The following UNC13C variants were observed in gnomAD, a reference collection of about 807,000 sequenced individuals.
UNC13C encodes the protein unc-13 homolog C.
UNC13C carries 174 observed loss-of-function variants against 245.4 expected under a neutral mutation model. That is an observed-to-expected ratio of 0.71 (90% confidence interval 0.63 to 0.80). UNC13C has a LOEUF of 0.80. Among genes scored for constraint, UNC13C ranks in the 30% least tolerant of loss-of-function variants. The pLI is 0.00. For missense variants in UNC13C, 2,829 were observed against 2,602.9 expected (o/e 1.09, Z -1.89); for synonymous variants, 992 against 895.1 (o/e 1.11, Z -1.93).
At chr15:54,298,164 C>T (rs12910406) in intron 12 of UNC13C, among the ~76,000 whole-genome samples, 29,537 of 151,752 alleles carry the variant, frequency 0.19, 3,064 homozygotes, top group Non-Finnish European at 0.2. Context: ...TGTGAATAGG[C>T]AATAAGATGA....
chr15:54,171,362 G>C (rs1227537218), intron 4 of UNC13C, among the ~76,000 whole-genome samples: 1 of 152,038 alleles, frequency 6.6e-6, no homozygotes, highest in African/African-American at 2.4e-5. Flanking sequence ...TCTGACAAGG[G>C]ATTAATAGCC....
At chr15:54,554,284 T>A (rs974798248) in intron 28 of UNC13C, among the ~76,000 whole-genome samples, 1 of 151,816 alleles carries the variant, frequency 6.6e-6, no homozygotes, top group African/African-American at 2.4e-5. Context: ...AATAAAACAG[T>A]AAGATAAAGG....
chr15:53,839,107 C>CAT, the UNC13C span, among the ~76,000 whole-genome samples: 20,877 of 151,782 alleles, frequency 0.14, 2,522 homozygotes, highest in African/African-American at 0.31. Flanking sequence ...ATTTCTAAAA[C>CAT]GTGTAAAATG....
At chr15:54,132,711 C>T (rs2031502256) in intron 2 of UNC13C, among the ~76,000 whole-genome samples, 1 of 152,208 alleles carries the variant, frequency 6.6e-6, no homozygotes. Flanking sequence ...CATGTGATGA[C>T]TTTCAGGCAT....
chr15:53,969,362 T>C, the UNC13C span, among the ~76,000 whole-genome samples: 2 of 152,222 alleles, frequency 1.3e-5, no homozygotes, highest in African/African-American at 4.8e-5. Flanking sequence ...GATAAATTAT[T>C]TTTGAATGTT....
the UNC13C span, among the ~76,000 whole-genome samples, chr15:53,919,863 AT>A: frequency 2.6e-5 from 4 of 152,220 alleles, no homozygotes; most frequent in Non-Finnish European, 5.9e-5. Flanking sequence ...GTATTTATGT[AT>A]ATTTTTAAAT....
intron 19 of UNC13C, among the ~76,000 whole-genome samples, chr15:54,481,054 C>G (rs1434160434): frequency 6.6e-6 from 1 of 152,068 alleles, no homozygotes; most frequent in African/African-American, 2.4e-5. Context: ...TGGTAGGATG[C>G]TTTGGTTTTG....
chr15:54,455,238 T>TATATATATATA (rs1416569966), intron 19 of UNC13C, among the ~76,000 whole-genome samples: 2 of 70,144 alleles, frequency 2.9e-5, no homozygotes, highest in Non-Finnish European at 5.7e-5. Flanking sequence ...TATATATATA[T>TATATATATATA]GTTTTTTAAT....
chr15:54,087,261 G>A (rs1375624131), intron 2 of UNC13C, among the ~76,000 whole-genome samples: 2 of 152,058 alleles, frequency 1.3e-5, no homozygotes, highest in African/African-American at 4.8e-5. Context: ...AATTTAGAGA[G>A]CCCTTGGAAA....
the UNC13C span, among the ~76,000 whole-genome samples, chr15:53,920,408 G>T: frequency 1.3e-5 from 2 of 152,060 alleles, no homozygotes; most frequent in Non-Finnish European, 2.9e-5. Flanking sequence ...ACAAAAATTA[G>T]CTGGGTGTGG....
chr15:54,570,525 A>C (rs971720096), intron 30 of UNC13C, among the ~76,000 whole-genome samples: 7 of 152,214 alleles, frequency 4.6e-5, no homozygotes, highest in Non-Finnish European at 1.0e-4. Context: ...ACCATGTTCA[A>C]TAAAAAATGG....
At chr15:54,142,664 C>T (rs2032076702) in intron 2 of UNC13C, among the ~76,000 whole-genome samples, 1 of 152,186 alleles carries the variant, frequency 6.6e-6, no homozygotes, top group Non-Finnish European at 1.5e-5. Flanking sequence ...GATCTAGGCT[C>T]TTGACTCCAA....
At chr15:54,412,849 A>T (rs144662746) in intron 18 of UNC13C, among the ~76,000 whole-genome samples, 1 of 152,180 alleles carries the variant, frequency 6.6e-6, no homozygotes, top group African/African-American at 2.4e-5. Flanking sequence ...CTGAGAGTCA[A>T]CATCATCATC....
chr15:53,846,321 A>T, the UNC13C span, among the ~76,000 whole-genome samples: 1 of 152,188 alleles, frequency 6.6e-6, no homozygotes, highest in South Asian at 2.1e-4. Flanking sequence ...AATCTATGCG[A>T]TTGGTAATAA....
intron 30 of UNC13C, among the ~76,000 whole-genome samples, chr15:54,576,692 C>A (rs898861765): frequency 6.6e-6 from 1 of 152,176 alleles, no homozygotes; most frequent in African/African-American, 2.4e-5. Context: ...CTGCATTGCT[C>A]TGTCCTCCCT....
the UNC13C span, among the ~76,000 whole-genome samples, chr15:53,970,532 C>A: frequency 6.6e-6 from 1 of 152,176 alleles, no homozygotes; most frequent in Non-Finnish European, 1.5e-5. Context: ...TGAGATCCTA[C>A]TTTGGATGGA....
intron 18 of UNC13C, among the ~76,000 whole-genome samples, chr15:54,394,702 A>G (rs1350884850): frequency 6.6e-6 from 1 of 151,900 alleles, no homozygotes; most frequent in African/African-American, 2.4e-5. Flanking sequence ...TTCTATGAAG[A>G]AACTTTGGCT....
intron 7 of UNC13C, among the ~76,000 whole-genome samples, chr15:54,240,918 T>C (rs1031409437): frequency 6.6e-6 from 1 of 152,180 alleles, no homozygotes; most frequent in Non-Finnish European, 1.5e-5. Context: ...CAATACATGC[T>C]TATTGACTAT....
At chr15:53,847,966 C>G in the UNC13C span, among the ~76,000 whole-genome samples, 2 of 152,242 alleles carry the variant, frequency 1.3e-5, no homozygotes, top group East Asian at 3.9e-4. Flanking sequence ...AGGATGGGCA[C>G]ATGACATTTC....
Sources: gnomAD v4.1 joint callset for allele counts (sites outside exome capture counted in the v4.1 genomes callset) on GRCh38, gnomAD v4.1.1 for gene constraint, MANE v1.5 for transcripts, NCBI Gene and HGNC (gene_info 2026-07-23, HGNC 2026-07-21) for gene names.